ABCC5: variants seen among roughly 807,000 people sequenced by gnomAD.
The protein encoded by ABCC5 is ATP binding cassette subfamily C member 5, also known as ATP-binding cassette sub-family C member 5.
In ABCC5, 61 loss-of-function variants were observed where a neutral mutation model predicts 160.9. The observed-to-expected ratio is 0.38, with a 90% CI of 0.31 to 0.47. The LOEUF (loss-of-function observed/expected upper bound fraction) is 0.47. Among genes scored for constraint, ABCC5 ranks in the 20% least tolerant of loss-of-function variants. The probability of loss-of-function intolerance (pLI) is 0.99; values close to 1 mark genes in which losing one functional copy is unlikely to be tolerated. For missense variants in ABCC5, 1,308 were observed against 1,813.3 expected (o/e 0.72, Z 5.06); for synonymous variants, 666 against 700.6 (o/e 0.95, Z 0.78).
rs77577207 is a variant in ABCC5 at position 184,007,415 on chromosome 3, A to T, written c.129+6849T>A. Among the ~76,000 whole-genome samples, 1,457 of 152,290 alleles carry T rather than the reference A, an allele frequency of 9.6e-3. 18 individuals are homozygous for T. The highest frequency in any genetic ancestry group is 0.034 in the Middle Eastern group (10 of 294). ...TACCTTTGCCTGAGAGCACTAAGAA[A>T]ACAAACCACCACCACAATAAAATAA... On this transcript the variant is annotated intron_variant, in intron 2 of 29. Coordinates refer to ENST00000334444, the MANE Select transcript of ABCC5 (RefSeq NM_005688.4).
Position 183,951,304 on chromosome 3 carries a change from G to T in ABCC5, c.2944+137C>A. 8.6e-7 allele frequency: 1 copy of T among 1,157,726 alleles called. No individual in the cohort carries two copies. The highest frequency in any genetic ancestry group is 1.2e-6 in the Non-Finnish European group (1 of 835,028). The allele number at this position is 1,157,726 out of a possible 1,614,324, so 71.7% of individuals were successfully genotyped here. On this transcript the variant is annotated intron_variant, in intron 20 of 29. Transcript: ENST00000334444. The surrounding 1 kb of genome is among the most constrained non-coding windows in gnomAD (Gnocchi z 4.7). ...ACAAGACAGAAAATGCAGTTGCAATGTTCCTGGTGAAAACACCAGCAGTCA... is the reference window on the plus strand; with the variant it reads ...ACAAGACAGAAAATGCAGTTGCAATTTTCCTGGTGAAAACACCAGCAGTCA...
At chr3:183,989,922 A>G (rs1200355682) in intron 2 of ABCC5, among the ~76,000 whole-genome samples, 1 of 151,792 alleles carries the variant, frequency 6.6e-6, no homozygotes, top group Non-Finnish European at 1.5e-5. Context: ...CTCCTGCCTC[A>G]GCCTCCTGAG....
chr3:183,970,210 GCT>G (rs1160632755), intron 11 of ABCC5, among the ~76,000 whole-genome samples: 7 of 152,232 alleles, frequency 4.6e-5, no homozygotes, highest in African/African-American at 1.7e-4. Context: ...TCTCTCCCAT[GCT>G]CATTCCACTC....
chr3:183,984,639 C>G (rs1719039460), intron 5 of ABCC5: 2 of 1,428,026 alleles, frequency 1.4e-6, no homozygotes, highest in Admixed American at 5.5e-5. Flanking sequence ...ATTCCAAGAA[C>G]TACTGTATTC....
At chr3:184,009,382 G>A (rs1483080484) in intron 2 of ABCC5, among the ~76,000 whole-genome samples, 2 of 152,146 alleles carry the variant, frequency 1.3e-5, no homozygotes, top group East Asian at 3.8e-4. Flanking sequence ...TGATGGTAAT[G>A]ATGATGTGAC....
At chr3:183,932,500 C>T (rs977753567) in intron 26 of ABCC5, among the ~76,000 whole-genome samples, 2 of 152,114 alleles carry the variant, frequency 1.3e-5, no homozygotes, top group Non-Finnish European at 2.9e-5. Context: ...ATATCAAGGT[C>T]GTGGTTAACA....
chr3:183,921,392 A>C lies in ABCC5; in HGVS notation c.4222T>G (p.Phe1408Val), dbSNP rs373817263. 1.3e-5 allele frequency: 21 copies of C among 1,612,610 alleles called. No individual in the cohort carries two copies. Among genetic ancestry groups the C allele is most frequent in the Non-Finnish European group, 1.8e-5 (21 of 1,179,484 alleles). Reference sequence around the variant, plus strand: ...GACAGAAGGACCGATGGGGTGTCAAACTCCACCACCTGCAAAAGAAGGAGA... The same window carrying C: ...GACAGAAGGACCGATGGGGTGTCAACCTCCACCACCTGCAAAAGAAGGAGA... ...MVLAQGQVVE[F>V]DTPSVLLSND... The change falls in exon 30 of 30, where the codon TTT becomes GTT. Residue 1408 changes from phenylalanine to valine, a missense_variant. This residue lies in a region of ABCC5 where 163 missense variants were observed against 269.7 expected (regional missense o/e 0.60). Coordinates refer to ENST00000334444, the MANE Select transcript of ABCC5 (RefSeq NM_005688.4). The surrounding 1 kb of genome is among the most constrained non-coding windows in gnomAD (Gnocchi z 4.1).
chr3:183,937,709 G>A (rs1328925073), intron 26 of ABCC5, among the ~76,000 whole-genome samples, 192 bp downstream of exon 26: 1 of 152,210 alleles, frequency 6.6e-6, no homozygotes, highest in Non-Finnish European at 1.5e-5. Context: ...GCACCCTTCA[G>A]TCAACCAAGT....
intron 10 of ABCC5, among the ~76,000 whole-genome samples, chr3:183,973,300 G>A (rs879719424): frequency 2.6e-5 from 4 of 151,852 alleles, no homozygotes; most frequent in East Asian, 1.9e-4. Context: ...TGATCCACCC[G>A]CCTCAGCCTC....
rs1715397800 is a variant in ABCC5 at position 183,951,948 on chromosome 3, T to C, written c.2723A>G (p.Asn908Ser). 4 of 1,613,552 alleles carry C rather than the reference T, an allele frequency of 2.5e-6. No homozygotes were observed. The highest frequency in any genetic ancestry group is 3.4e-6 in the Non-Finnish European group (4 of 1,179,552). ...GCTGGCATAGTACTGCATATGAGGATTGTCCTTCATGCTGTCACTCACCGA... is the reference window on the plus strand; with the variant it reads ...GCTGGCATAGTACTGCATATGAGGACTGTCCTTCATGCTGTCACTCACCGA... ...ETSVSDSMKDNPHMQYYASIY... is the reference protein window; with the variant it reads ...ETSVSDSMKDSPHMQYYASIY... Residue 908 changes from asparagine to serine, a missense_variant, in exon 19 of 30, where the codon AAT becomes AGT. Transcript: ENST00000334444. The surrounding 1 kb of genome is among the most constrained non-coding windows in gnomAD (Gnocchi z 4.7).
intron 17 of ABCC5, among the ~76,000 whole-genome samples, chr3:183,953,630 G>A (rs1430527115): frequency 2.0e-5 from 3 of 152,124 alleles, no homozygotes; most frequent in Non-Finnish European, 4.4e-5. Context: ...GGGAACCCCT[G>A]GGAGGCATAC....
At chr3:183,959,921 T>C (rs1716569738) in intron 16 of ABCC5, 86 bp from the exon 17 acceptor site, 1 of 900,274 alleles carries the variant, frequency 1.1e-6, no homozygotes, top group South Asian at 1.7e-5. Flanking sequence ...AATCATCAAT[T>C]AAACTGCTAT....
intron 2 of ABCC5, among the ~76,000 whole-genome samples, chr3:184,008,350 T>A (rs1721411773): frequency 6.6e-6 from 1 of 152,172 alleles, no homozygotes; most frequent in South Asian, 2.1e-4. Context: ...AAAGGAACCA[T>A]GCCTGAATAA....
At chr3:184,006,569 A>G (rs552645417) in intron 2 of ABCC5, 1 of 152,358 alleles carries the variant, frequency 6.6e-6, no homozygotes, top group Admixed American at 6.5e-5. Context: ...TGTACTAGAC[A>G]AAACTATTTT....
At chr3:183,938,843 GATAA>G (rs1301058653) in intron 25 of ABCC5, among the ~76,000 whole-genome samples, 1 of 152,176 alleles carries the variant, frequency 6.6e-6, no homozygotes, top group Non-Finnish European at 1.5e-5. Context: ...AAGTTCCAGG[GATAA>G]ATAAACACAT....
chr3:183,995,076 G>A (rs1277245748), intron 2 of ABCC5, among the ~76,000 whole-genome samples: 1 of 151,682 alleles, frequency 6.6e-6, no homozygotes, highest in African/African-American at 2.4e-5. Flanking sequence ...GAACTCCTGG[G>A]CTCAAGCGAT....
At position 183,977,636 on chromosome 3, in the gene ABCC5, A is replaced by G. The variant is rs1445413746; in HGVS notation, c.1297-12T>C. On this transcript the variant is annotated splice_polypyrimidine_tract_variant and intron_variant, in intron 9 of 29. Transcript: ENST00000334444. ...ACCACTGTGAAAGCCTGAAAATAGG[A>G]GAAGAGAAGAAACTGTGCCTAATGA... 8.1e-6 allele frequency: 13 copies of G among 1,598,202 alleles called. No homozygotes were observed. The highest frequency in any genetic ancestry group is 1.1e-5 in the Non-Finnish European group (13 of 1,166,382).
chr3:184,003,471 A>C (rs1720917536), intron 2 of ABCC5, among the ~76,000 whole-genome samples: 1 of 152,192 alleles, frequency 6.6e-6, no homozygotes, highest in African/African-American at 2.4e-5. Context: ...GAGGATCAGC[A>C]AAATTCTAGA....
chr3:183,926,718 C>T (rs747419279), intron 28 of ABCC5, among the ~76,000 whole-genome samples: 6 of 152,016 alleles, frequency 3.9e-5, no homozygotes, highest in Non-Finnish European at 8.8e-5. Flanking sequence ...AATGAAGGGG[C>T]TGGATTGGAT....
Sources: allele counts gnomAD v4.1 joint callset (sites outside exome capture counted in the v4.1 genomes callset), GRCh38; gene constraint gnomAD v4.1.1; regional missense constraint gnomAD v4.1.1; non-coding constraint Gnocchi (gnomAD v3.1); transcripts MANE v1.5; gene names NCBI Gene and HGNC (gene_info 2026-07-23, HGNC 2026-07-21).